The following RNF128 variants were observed in gnomAD, a reference collection of about 807,000 sequenced individuals.
RNF128 encodes the protein ring finger protein 128.
RNF128 carries 13 observed loss-of-function variants against 26.2 expected under a neutral mutation model. The observed-to-expected ratio is 0.50, with a 90% CI of 0.32 to 0.79. RNF128 has a LOEUF of 0.79. Among genes scored for constraint, RNF128 ranks in the 30% least tolerant of loss-of-function variants. RNF128 has a pLI of 0.03. For synonymous variants in RNF128, 149 were observed against 142.5 expected, an observed-to-expected ratio of 1.05 and a Z score of -0.32; for missense variants, 315 against 349.7, an observed-to-expected ratio of 0.90 and a Z score of 0.79.
intron 1 of RNF128, among the ~76,000 whole-genome samples, chrX:106,758,707 G>A (rs892317880): frequency 8.9e-6 from 1 of 111,809 alleles, no homozygotes; most frequent in Non-Finnish European, 1.9e-5. Flanking sequence ...GATTAATGCT[G>A]CTGGCAAAAC....
chrX:106,766,354 C>T (rs960058493), intron 1 of RNF128, among the ~76,000 whole-genome samples: 4 of 112,156 alleles, frequency 3.6e-5, no homozygotes, highest in African/African-American at 1.3e-4. Context: ...GTTCCTATTT[C>T]TCCACATCCT....
intron 6 of RNF128, among the ~76,000 whole-genome samples, chrX:106,795,203 T>C (rs1469882905): frequency 7.2e-5 from 8 of 111,654 alleles, no homozygotes; most frequent in Non-Finnish European, 1.5e-4. Context: ...TCTATATTTA[T>C]GTGAATGAAG....
intron 1 of RNF128, among the ~76,000 whole-genome samples, chrX:106,742,058 A>C (rs1485137719): frequency 8.9e-6 from 1 of 111,959 alleles, no homozygotes; most frequent in African/African-American, 3.2e-5. Context: ...AGGAGAATGA[A>C]TTAGAAGTCT....
intron 1 of RNF128, among the ~76,000 whole-genome samples, chrX:106,709,552 C>CT (rs1035115892): frequency 3.2e-4 from 33 of 103,016 alleles, no homozygotes; most frequent in African/African-American, 6.6e-4. Flanking sequence ...GTTATAACTT[C>CT]TTTTTTTTTT....
At position 106,727,543 on chromosome X, in the gene RNF128, C is replaced by G. The variant is rs963727899; in HGVS notation, c.484+146C>G. The G allele has an allele frequency of 1.8e-5, 14 of 765,772 alleles. No homozygotes were observed. The Admixed American group carries it at 5.2e-4, about 29-fold the overall frequency. The allele number at this position is 765,772 out of a possible 1,213,427, so 63.1% of individuals were successfully genotyped here. The stretch of plus-strand genomic sequence containing the variant: ...TCCCCACGGAGTGGGGCAGGGTCCT[C>G]CCCGAGATTCACCAGGCCTGGGTGT... On this transcript the variant is annotated intron_variant, in intron 1 of 6. Coordinates refer to ENST00000255499, the MANE Select transcript of RNF128 (RefSeq NM_194463.2).
In RNF128 at chrX:106,726,860, A is replaced by G; in HGVS notation, c.-54A>G. Reference sequence around the variant, plus strand: ...CCTGCTCAAGACCAGGGTCCTGCCAAGCGCTAGGAGGGCGCGTGCCAGGGG... The same window carrying G: ...CCTGCTCAAGACCAGGGTCCTGCCAGGCGCTAGGAGGGCGCGTGCCAGGGG... On this transcript the variant is annotated 5_prime_UTR_variant, in exon 1 of 7. Coordinates refer to ENST00000255499, the MANE Select transcript of RNF128 (RefSeq NM_194463.2). The G allele has an allele frequency of 1.8e-6, 2 of 1,117,569 alleles. No individual in the cohort carries two copies. Among genetic ancestry groups the G allele is most frequent in the Non-Finnish European group, 2.3e-6 (2 of 854,630 alleles). The allele number at this position is 1,117,569 out of a possible 1,213,427, so 92.1% of individuals were successfully genotyped here. A position where few individuals can be genotyped will look rare whatever the true frequency, so the allele number is the denominator to read the frequency against.
chrX:106,790,421 A>G (rs973010263), intron 5 of RNF128, 139 bp downstream of exon 5: 2 of 356,759 alleles, frequency 5.6e-6, no homozygotes, highest in Admixed American at 4.4e-5. Context: ...TTTATATCAT[A>G]TAGACAATGA....
intron 1 of RNF128, among the ~76,000 whole-genome samples, chrX:106,712,716 C>T (rs1326484957): frequency 9.0e-6 from 1 of 110,797 alleles, no homozygotes; most frequent in Non-Finnish European, 1.9e-5. Flanking sequence ...ATTTTAATAA[C>T]CCTTTGCCAC....
At chrX:106,733,281 C>T (rs1441368269) in intron 1 of RNF128, among the ~76,000 whole-genome samples, 1 of 110,985 alleles carries the variant, frequency 9.0e-6, no homozygotes, top group Non-Finnish European at 1.9e-5. Flanking sequence ...GACTATATAG[C>T]TTGATCAGTG....
chrX:106,788,397 T>TATATATAATATATAATATATA (rs1189587784), intron 4 of RNF128, among the ~76,000 whole-genome samples: 5 of 41,481 alleles, frequency 1.2e-4, no homozygotes, highest in African/African-American at 7.4e-4. Flanking sequence ...TAATATATAT[T>TATATATAATATATAATATATA]ATATATAATA....
intron 5 of RNF128, among the ~76,000 whole-genome samples, chrX:106,790,563 T>G (rs753779285): frequency 2.7e-5 from 3 of 110,985 alleles, no homozygotes; most frequent in African/African-American, 9.8e-5. Context: ...TTTTGTAATC[T>G]TTTACTATTG....
intron 2 of RNF128, among the ~76,000 whole-genome samples, chrX:106,776,807 C>T (rs748010503): frequency 1.8e-5 from 2 of 111,209 alleles, no homozygotes; most frequent in African/African-American, 6.5e-5. Flanking sequence ...AGGAATAGAA[C>T]TAATACTGAA....
At chrX:106,755,846 A>G (rs1929998012) in intron 1 of RNF128, among the ~76,000 whole-genome samples, 1 of 110,615 alleles carries the variant, frequency 9.0e-6, no homozygotes, top group Non-Finnish European at 1.9e-5. Context: ...CCATTGTCTC[A>G]GCCCAAAATC....
At chrX:106,786,319 A>G (rs747957566) in intron 3 of RNF128, among the ~76,000 whole-genome samples, 1 of 111,930 alleles carries the variant, frequency 8.9e-6, no homozygotes, top group East Asian at 2.8e-4. Flanking sequence ...AATTCAATGA[A>G]GAAAGGATAG....
intron 1 of RNF128, among the ~76,000 whole-genome samples, chrX:106,697,343 TTTTG>T (rs946367462): frequency 8.9e-6 from 1 of 111,745 alleles, no homozygotes; most frequent in Non-Finnish European, 1.9e-5. Flanking sequence ...GAGTGGTCTT[TTTTG>T]TTTGTTTGTT....
At chrX:106,733,161 C>G (rs1929530095) in intron 1 of RNF128, among the ~76,000 whole-genome samples, 1 of 111,003 alleles carries the variant, frequency 9.0e-6, no homozygotes, top group South Asian at 3.8e-4. Context: ...GGAAGATGTG[C>G]ACTGGTTATA....
chrX:106,715,266 A>C (rs1929194537), intron 1 of RNF128, among the ~76,000 whole-genome samples: 1 of 111,941 alleles, frequency 8.9e-6, no homozygotes, highest in South Asian at 3.7e-4. Flanking sequence ...GTGATATCAC[A>C]CTGTGATTTT....
At chrX:106,725,673 C>T (rs1433084447), upstream of RNF128, among the ~76,000 whole-genome samples, 2 of 112,462 alleles carry the variant, frequency 1.8e-5, no homozygotes, top group Non-Finnish European at 3.8e-5. Context: ...TGCTTTATTA[C>T]ATGTATTAAC....
chrX:106,715,808 C>T (rs1929206085), intron 1 of RNF128, among the ~76,000 whole-genome samples: 1 of 111,604 alleles, frequency 9.0e-6, no homozygotes, highest in African/African-American at 3.3e-5. Flanking sequence ...CCTACCTGGA[C>T]AGAGAGCTGT....
Sources: allele counts gnomAD v4.1 joint callset (sites outside exome capture counted in the v4.1 genomes callset), GRCh38; gene constraint gnomAD v4.1.1; transcripts MANE v1.5; gene names NCBI Gene and HGNC (gene_info 2026-07-23, HGNC 2026-07-21).